PLCH2: variants seen among roughly 807,000 people sequenced by gnomAD.
PLCH2 encodes the protein 1-phosphatidylinositol 4,5-bisphosphate phosphodiesterase eta-2.
PLCH2 carries 98 observed loss-of-function variants against 134.7 expected under a neutral mutation model. The observed-to-expected ratio is 0.73, with a 90% confidence interval of 0.62 to 0.86. The LOEUF (loss-of-function observed/expected upper bound fraction) is 0.86. Ranked by LOEUF, PLCH2 falls within the 40% of genes least tolerant of loss-of-function variation. The pLI, the probability that PLCH2 is intolerant of heterozygous loss-of-function variation, is 0.00. For missense variants in PLCH2, 1,994 were observed against 1,986.6 expected (o/e 1.00, Z -0.07); for synonymous variants, 974 against 827.5 (o/e 1.18, Z -3.04).
intron 21 of PLCH2, chr1:2,503,581 C>T (rs773784041): frequency 1.5e-6 from 1 of 688,904 alleles, no homozygotes; most frequent in Non-Finnish European, 2.6e-6. Context: ...CCTGACCAAG[C>T]TTTCCTTTCT....
rs543364704 is a variant in PLCH2, at chr1:2,444,183, A to T, written c.115+13554A>T. On this transcript the variant is annotated intron_variant, in intron 2 of 3. Coordinates refer to the PLCH2 transcript ENST00000609981. This position sits in a 1 kb window ranked among gnomAD's most constrained non-coding sequence, Gnocchi z 4.6. ...GGTCTTGAGCTCTCCGGATGGCCTC[A>T]GGTGCGGGGTGAGGGATCTGGGGGC... is the stretch of plus-strand genomic sequence containing the variant. 2.2e-4 allele frequency among the ~76,000 whole-genome samples: 33 copies of T among 152,118 alleles called. 1 individual carries two copies. The South Asian group carries it at 6.4e-3, about 30-fold the overall frequency.
At chr1:2,470,959 T>C (rs1641296618) in intron 1 of PLCH2, among the ~76,000 whole-genome samples, 1 of 151,994 alleles carries the variant, frequency 6.6e-6, no homozygotes, top group Non-Finnish European at 1.5e-5. Context: ...GGCCATGCCC[T>C]GCTCAGTGAG....
intron 2 of PLCH2, among the ~76,000 whole-genome samples, chr1:2,443,601 G>GCCGTGCGCCCCA (rs1557951322): frequency 1.3e-5 from 2 of 151,040 alleles, no homozygotes; most frequent in South Asian, 4.2e-4. Flanking sequence ...GGCTAGCCCC[G>GCCGTGCGCCCCA]CGCCCCACCT....
At chr1:2,434,487 T>G (rs990004535) in intron 2 of PLCH2, among the ~76,000 whole-genome samples, 7 of 152,182 alleles carry the variant, frequency 4.6e-5, no homozygotes, top group Non-Finnish European at 1.0e-4. Flanking sequence ...GAAAGCAAAA[T>G]TAAACACTGC....
At position 2,504,528 on chromosome 1, in the gene PLCH2, C is replaced by G. The variant is rs1477815557; in HGVS notation, c.3566C>G (p.Ala1189Gly). The stretch of plus-strand genomic sequence containing the variant: ...CCCCCCAGGCCCCACTCGGCTTCGG[C>G]TGCCCGCCCAGACCTGCCACCTGTG... ...RLPPRPHSAS[A>G]ARPDLPPVTK... Residue 1189 changes from alanine to glycine, a missense_variant, in exon 22 of 22, where the codon GCT becomes GGT. Physicochemically the swap from Ala to Gly is moderately conservative, Grantham distance 60. Transcript: ENST00000378486. The G allele has an allele frequency of 1.2e-6, 2 of 1,612,508 alleles. No homozygotes were observed.
At chr1:2,479,407 G>C in intron 2 of PLCH2, 1 of 253,118 alleles carries the variant, frequency 4.0e-6, no homozygotes, top group African/African-American at 2.2e-5. Flanking sequence ...TCCTTGGAAC[G>C]TGGAGACGTG....
chr1:2,497,237 G>C (rs950645611), intron 15 of PLCH2, among the ~76,000 whole-genome samples: 1 of 152,254 alleles, frequency 6.6e-6, no homozygotes, highest in Non-Finnish European at 1.5e-5. Flanking sequence ...ATGTGGGAGC[G>C]ATGGTGCAGG....
At chr1:2,476,764 G>T in intron 1 of PLCH2, 52 bp downstream of exon 1, 1 of 1,527,242 alleles carries the variant, frequency 6.5e-7, no homozygotes, top group Non-Finnish European at 8.8e-7. Flanking sequence ...CTGGCCAGGT[G>T]ACTGGTGGGT....
chr1:2,445,924 G>A (rs769093849), intron 2 of PLCH2, among the ~76,000 whole-genome samples: 2 of 152,210 alleles, frequency 1.3e-5, no homozygotes, highest in Non-Finnish European at 2.9e-5. Flanking sequence ...CGCTTCATTA[G>A]CTGCTGTCGC....
intron 1 of PLCH2, among the ~76,000 whole-genome samples, chr1:2,428,718 C>T (rs753004479): frequency 1.2e-4 from 18 of 152,256 alleles, no homozygotes. Context: ...TGCCGGTCTC[C>T]GGCTGGGACG....
upstream of PLCH2, among the ~76,000 whole-genome samples, chr1:2,465,339 G>A (rs1252775718): frequency 6.6e-6 from 1 of 152,160 alleles, no homozygotes; most frequent in East Asian, 1.9e-4. Context: ...ACACAGCTCT[G>A]GGCCTACAGG....
chr1:2,442,896 G>C (rs888716185), intron 2 of PLCH2, among the ~76,000 whole-genome samples: 4 of 152,224 alleles, frequency 2.6e-5, no homozygotes, highest in African/African-American at 9.6e-5. Flanking sequence ...CTCTTGACTT[G>C]TCTCCCGCCT....
In PLCH2 at chr1:2,496,775, C is replaced by T. The variant is rs1025999443; in HGVS notation, c.1934-53C>T. The T allele has an allele frequency of 3.2e-5, 52 of 1,609,816 alleles. 2 individuals are homozygous for T. In the South Asian group the frequency reaches 3.4e-4, roughly 11 times the overall value. On this transcript the variant is annotated intron_variant, in intron 14 of 21. Transcript: ENST00000378486. Reference sequence around the variant, plus strand: ...CCCCCATCCCTGCTATGCTGCTGGGCGCCGGGCGAGGTCGAGGACTGGCAG... The same window carrying T: ...CCCCCATCCCTGCTATGCTGCTGGGTGCCGGGCGAGGTCGAGGACTGGCAG...
At chr1:2,442,590 C>G (rs1462255883) in intron 2 of PLCH2, among the ~76,000 whole-genome samples, 3 of 152,240 alleles carry the variant, frequency 2.0e-5, no homozygotes, top group African/African-American at 7.2e-5. Flanking sequence ...TGGCGAGGAC[C>G]CCCTCTCAGT....
rs572934368 is a variant in PLCH2 at position 2,480,410 on chromosome 1, G to A, written c.645+98G>A. On this transcript the variant is annotated intron_variant, in intron 4 of 21. Coordinates refer to ENST00000378486, the MANE Select transcript of PLCH2 (RefSeq NM_014638.4). ...CCTGCCAGCCCTGACTGAGCTGGAG[G>A]GGACCCTGGCAGTGCCCTCAAGCTG... 69 of 1,390,522 alleles carry A rather than the reference G, an allele frequency of 5.0e-5. No individual in the cohort carries two copies. In the African/African-American group the frequency reaches 8.9e-4, roughly 18 times the overall value. The allele number at this position is 1,390,522 out of a possible 1,614,324, so 86.1% of individuals were successfully genotyped here.
chr1:2,476,323 G>C lies in PLCH2; in HGVS notation c.-266G>C. On this transcript the variant is annotated 5_prime_UTR_variant, in exon 1 of 22. Coordinates refer to ENST00000378486, the MANE Select transcript of PLCH2 (RefSeq NM_014638.4). ...TCCCCCAGCCTTGGGAGGCGGCTGCGTCAGGGATTCCTTGGTGGCCCTGGA... is the reference window on the plus strand; with the variant it reads ...TCCCCCAGCCTTGGGAGGCGGCTGCCTCAGGGATTCCTTGGTGGCCCTGGA... 2.6e-6 allele frequency: 1 copy of C among 385,960 alleles called. No homozygotes were observed. Among genetic ancestry groups the C allele is most frequent in the Admixed American group, 4.3e-5 (1 of 23,208 alleles). 23.9% of individuals were successfully genotyped at this position (385,960 alleles called of 1,614,324 possible).
At chr1:2,469,923 T>C (rs965643405) in intron 1 of PLCH2, among the ~76,000 whole-genome samples, 3 of 152,098 alleles carry the variant, frequency 2.0e-5, no homozygotes, top group African/African-American at 7.2e-5. Context: ...GAGGGGGCCT[T>C]GTGGCTGACG....
At position 2,505,005 on chromosome 1, in the gene PLCH2, C is replaced by T. The variant is rs753578363; in HGVS notation, c.4043C>T (p.Ala1348Val). 5.8e-6 allele frequency: 9 copies of T among 1,544,716 alleles called. No individual in the cohort carries two copies. The South Asian group carries it at 1.1e-4, about 18-fold the overall frequency. Residue 1348 changes from alanine to valine, a missense_variant, in exon 22 of 22, where the codon GCC becomes GTC. Around this residue, in one of 2 missense-constraint regions of PLCH2, gnomAD observed 900 missense variants for 752.3 expected, o/e 1.20. Coordinates refer to ENST00000378486, the MANE Select transcript of PLCH2 (RefSeq NM_014638.4). ...SSSRSHSRVR[A>V]IASRARQAQE... ...TCCCGCAGCCACAGCCGCGTGCGTGCCATTGCCAGCCGGGCCCGCCAGGCC... is the reference window on the plus strand; with the variant it reads ...TCCCGCAGCCACAGCCGCGTGCGTGTCATTGCCAGCCGGGCCCGCCAGGCC...
the PLCH2 span, among the ~76,000 whole-genome samples, chr1:2,420,782 G>A: frequency 3.3e-5 from 5 of 152,300 alleles, no homozygotes; most frequent in Non-Finnish European, 5.9e-5. Flanking sequence ...GTGATCGATC[G>A]ATTCATTGCC....
Sources: gnomAD v4.1 joint callset for allele counts (sites outside exome capture counted in the v4.1 genomes callset) on GRCh38, gnomAD v4.1.1 for gene constraint, gnomAD v4.1.1 regional missense constraint, Gnocchi (gnomAD v3.1) non-coding constraint, MANE v1.5 for transcripts, NCBI Gene and HGNC (gene_info 2026-07-23, HGNC 2026-07-21) for gene names.